KIF16B: variants seen among roughly 807,000 people sequenced by gnomAD.
KIF16B encodes kinesin-like protein KIF16B.
In KIF16B, 98 loss-of-function variants were observed where a neutral mutation model predicts 156.3. That is an observed-to-expected ratio of 0.63 (90% CI 0.53 to 0.74). The LOEUF (loss-of-function observed/expected upper bound fraction) is 0.74, where lower values mean the gene tolerates loss of function less well. Ranked by LOEUF, KIF16B falls within the 30% of genes least tolerant of loss-of-function variation. KIF16B has a pLI of 0.00. For synonymous variants in KIF16B, 564 were observed against 583.7 expected (o/e 0.97, Z 0.49); for missense variants, 1,421 against 1,606.5 (o/e 0.88, Z 1.97).
chr20:16,471,786 A>G (rs1156674990), intron 12 of KIF16B, among the ~76,000 whole-genome samples: 2 of 152,250 alleles, frequency 1.3e-5, no homozygotes, highest in Admixed American at 1.3e-4. Context: ...ACTGTGAGAC[A>G]GAAAGTATGG....
At chr20:16,366,983 A>G in intron 22 of KIF16B, 1 of 1,308,646 alleles carries the variant, frequency 7.6e-7, no homozygotes, top group Non-Finnish European at 9.7e-7. Flanking sequence ...ATTTTATTGT[A>G]GATATTTAAA....
At chr20:16,495,508 G>A (rs969998326) in intron 11 of KIF16B, among the ~76,000 whole-genome samples, 1 of 151,976 alleles carries the variant, frequency 6.6e-6, no homozygotes, top group Non-Finnish European at 1.5e-5. Context: ...ATCATTCAGG[G>A]GTCCTCAATT....
At chr20:16,452,963 G>A (rs1463607372) in intron 12 of KIF16B, among the ~76,000 whole-genome samples, 1 of 152,124 alleles carries the variant, frequency 6.6e-6, no homozygotes, top group East Asian at 1.9e-4. Context: ...ATACACATGT[G>A]TGGCAACCAG....
chr20:16,471,188 T>TA (rs1470810650), intron 12 of KIF16B, among the ~76,000 whole-genome samples: 4 of 152,128 alleles, frequency 2.6e-5, no homozygotes, highest in Non-Finnish European at 5.9e-5. Flanking sequence ...TTACAAAATT[T>TA]AAAAAATTGA....
At chr20:16,370,941 A>G (rs1291892710) in intron 21 of KIF16B, among the ~76,000 whole-genome samples, 2 of 152,212 alleles carry the variant, frequency 1.3e-5, no homozygotes, top group Non-Finnish European at 2.9e-5. Context: ...ATTTCAGTAT[A>G]GACTTGTCAC....
intron 24 of KIF16B, among the ~76,000 whole-genome samples, chr20:16,318,490 C>T (rs574982677): frequency 9.5e-4 from 145 of 152,196 alleles, no homozygotes; most frequent in African/African-American, 3.0e-3. Context: ...ACACGACAAG[C>T]CTGAAGCAAC....
At chr20:16,408,225 A>G (rs1228124103) in intron 15 of KIF16B, among the ~76,000 whole-genome samples, 1 of 152,160 alleles carries the variant, frequency 6.6e-6, no homozygotes, top group African/African-American at 2.4e-5. Context: ...GGTTGGTTTT[A>G]GTGGTTGTCA....
chr20:16,392,364 T>A (rs951409946), intron 17 of KIF16B, among the ~76,000 whole-genome samples: 5 of 152,206 alleles, frequency 3.3e-5, no homozygotes, highest in African/African-American at 1.2e-4. Flanking sequence ...GAAATTATCC[T>A]GAAAAACCAT....
intron 1 of KIF16B, among the ~76,000 whole-genome samples, chr20:16,570,961 A>AT (rs2071429322): frequency 6.6e-6 from 1 of 152,176 alleles, no homozygotes; most frequent in Non-Finnish European, 1.5e-5. Context: ...CTGAGACCTA[A>AT]ACCCACATTT....
chr20:16,487,860 T>C (rs1357087085), intron 12 of KIF16B, among the ~76,000 whole-genome samples: 1 of 152,178 alleles, frequency 6.6e-6, no homozygotes, highest in Non-Finnish European at 1.5e-5. Context: ...ATCACATGGA[T>C]TCAAATATGC....
intron 1 of KIF16B, among the ~76,000 whole-genome samples, chr20:16,548,838 T>C (rs1024679051): frequency 9.2e-5 from 14 of 152,150 alleles, no homozygotes; most frequent in African/African-American, 3.4e-4. Context: ...ATGCAGTAAG[T>C]GAGATGCAAG....
intron 22 of KIF16B, among the ~76,000 whole-genome samples, chr20:16,366,685 T>C (rs1295921521): frequency 6.6e-6 from 1 of 152,200 alleles, no homozygotes; most frequent in African/African-American, 2.4e-5. Context: ...ACTAATGTGC[T>C]CTGCTACATA....
At chr20:16,450,250 A>G (rs979502516) in intron 12 of KIF16B, among the ~76,000 whole-genome samples, 1 of 152,188 alleles carries the variant, frequency 6.6e-6, no homozygotes, top group Non-Finnish European at 1.5e-5. Flanking sequence ...ACAAATACCT[A>G]TACACACGCC....
intron 25 of KIF16B, among the ~76,000 whole-genome samples, chr20:16,307,256 A>T (rs1390221685): frequency 6.6e-6 from 1 of 152,178 alleles, no homozygotes; most frequent in Non-Finnish European, 1.5e-5. Flanking sequence ...TATTAAAATG[A>T]TTAGTAGAAA....
At chr20:16,568,469 G>A (rs1170673720) in intron 1 of KIF16B, among the ~76,000 whole-genome samples, 2 of 152,142 alleles carry the variant, frequency 1.3e-5, no homozygotes, top group Admixed American at 6.5e-5. Context: ...GGCTCTGTGT[G>A]GAGAGCTTTA....
chr20:16,355,830 G>C (rs921226112), intron 23 of KIF16B, among the ~76,000 whole-genome samples: 2 of 152,198 alleles, frequency 1.3e-5, no homozygotes, highest in African/African-American at 4.8e-5. Flanking sequence ...AATGAAAATA[G>C]CAGTAGTAAT....
At chr20:16,511,883 G>A (rs2068965905) in intron 5 of KIF16B, among the ~76,000 whole-genome samples, 2 of 152,154 alleles carry the variant, frequency 1.3e-5, no homozygotes, top group Non-Finnish European at 2.9e-5. Flanking sequence ...AGGGGTGGTG[G>A]CTCACGTCTG....
chr20:16,512,173 G>A (rs1462192363), intron 5 of KIF16B, among the ~76,000 whole-genome samples: 7 of 151,952 alleles, frequency 4.6e-5, no homozygotes, highest in Non-Finnish European at 7.4e-5. Context: ...GGTACATTAA[G>A]TGAGGACTTC....
intron 23 of KIF16B, among the ~76,000 whole-genome samples, chr20:16,337,391 C>T (rs910961380): frequency 2.0e-5 from 3 of 152,090 alleles, no homozygotes; most frequent in Non-Finnish European, 4.4e-5. Context: ...CGCTCACTTC[C>T]CAAAAGTGGC....
Sources: gnomAD v4.1 joint callset for allele counts (sites outside exome capture counted in the v4.1 genomes callset) on GRCh38, gnomAD v4.1.1 for gene constraint, MANE v1.5 for transcripts, NCBI Gene and HGNC (gene_info 2026-07-23, HGNC 2026-07-21) for gene names.